NRXN3: variants seen among roughly 807,000 people sequenced by gnomAD.
NRXN3 encodes the protein neurexin III.
NRXN3 carries 32 observed loss-of-function variants against 137.6 expected under a neutral mutation model. The ratio of observed to expected loss-of-function variants is 0.23; its 90% CI spans 0.18 to 0.31. NRXN3 has a LOEUF of 0.31. Ranked by LOEUF, NRXN3 falls within the 10% of genes least tolerant of loss-of-function variation. The pLI, the probability that NRXN3 is intolerant of heterozygous loss-of-function variation, is 1.00. For missense variants in NRXN3, 1,574 were observed against 2,062.5 expected (o/e 0.76, Z 4.59); for synonymous variants, 798 against 784.5 (o/e 1.02, Z -0.29).
intron 15 of NRXN3, among the ~76,000 whole-genome samples, chr14:79,301,748 C>T (rs538858735): frequency 3.7e-4 from 56 of 150,834 alleles, no homozygotes; most frequent in South Asian, 2.1e-3. Context: ...TGTGTGTGTG[C>T]GCGCGCGTGC....
rs1433252939 is a variant in NRXN3, at chr14:78,893,075, AT to A, written c.2276-64165del. Among the ~76,000 whole-genome samples, 4 of 151,944 alleles carry A rather than the reference AT, an allele frequency of 2.6e-5. No homozygotes were observed. In the East Asian group the frequency reaches 7.8e-4, roughly 30 times the overall value. ...CCCTGATTGCTCCTATTTGCCCAGC[AT>A]TGTGGGCACCTGCTTGGCCACCCAC... On this transcript the variant is annotated intron_variant, in intron 10 of 20. Transcript: ENST00000335750.
intron 18 of NRXN3, among the ~76,000 whole-genome samples, chr14:79,696,305 C>G (rs568097653): frequency 6.6e-6 from 1 of 151,924 alleles, no homozygotes; most frequent in African/African-American, 2.4e-5. Context: ...TAAAAACCCT[C>G]TTTTTATTAA....
In NRXN3 at chr14:78,953,630, A is replaced by G. The variant is rs112243529; in HGVS notation, c.2276-3612A>G. Among the ~76,000 whole-genome samples the G allele has an allele frequency of 9.1e-3, 1,387 of 152,350 alleles. 12 individuals are homozygous for G. The highest frequency in any genetic ancestry group is 0.016 in the Admixed American group (251 of 15,300). On this transcript the variant is annotated intron_variant, in intron 10 of 20. Coordinates refer to ENST00000335750, the MANE Select transcript of NRXN3 (RefSeq NM_001330195.2). ...GTTCTGCATCCCAGAAATCTTTTGC[A>G]TCTTTATTCCAGGCATGAGTGTCAT...
At chr14:78,633,049 C>A (rs1174424320) in intron 4 of NRXN3, among the ~76,000 whole-genome samples, 1 of 151,588 alleles carries the variant, frequency 6.6e-6, no homozygotes. Flanking sequence ...TCCTGGCTAA[C>A]ACGGTGAAAC....
At chr14:79,858,984 AAG>A (rs148927120) in intron 20 of NRXN3, among the ~76,000 whole-genome samples, 3,838 of 34,902 alleles carry the variant, frequency 0.11, 137 homozygotes, top group African/African-American at 0.24. Flanking sequence ...ATGTAAAAAA[AAG>A]AAAAAAAAAA....
intron 16 of NRXN3, among the ~76,000 whole-genome samples, chr14:79,471,390 G>A (rs895838462): frequency 2.6e-5 from 4 of 152,160 alleles, no homozygotes; most frequent in Non-Finnish European, 5.9e-5. Context: ...TTTTGTGAAC[G>A]TGCACTACAC....
chr14:78,380,641 G>T (rs1442467371), intron 4 of NRXN3, among the ~76,000 whole-genome samples: 3 of 152,188 alleles, frequency 2.0e-5, no homozygotes, highest in Admixed American at 6.5e-5. Flanking sequence ...GTGCAAACTT[G>T]CTTGATCCTC....
chr14:78,862,127 T>A (rs1307282819), intron 10 of NRXN3, among the ~76,000 whole-genome samples: 3 of 152,106 alleles, frequency 2.0e-5, no homozygotes, highest in Non-Finnish European at 4.4e-5. Flanking sequence ...GTGGTAGTGG[T>A]GTGGTATACA....
chr14:79,590,805 A>G (rs551257533), intron 16 of NRXN3, among the ~76,000 whole-genome samples: 3 of 152,276 alleles, frequency 2.0e-5, no homozygotes, highest in Admixed American at 6.5e-5. Context: ...ACTCTTTGCT[A>G]TGGAGTATCA....
rs2067315085 is a variant in NRXN3, at chr14:78,243,901, CT to C, written c.709+100del. ...GTTCTATATGGATGCATATCTTTAGCTGCATGTTAGATCACTGGGCCCCTTG... is the reference window on the plus strand; with the variant it reads ...GTTCTATATGGATGCATATCTTTAGCGCATGTTAGATCACTGGGCCCCTTG... On this transcript the variant is annotated intron_variant, in intron 2 of 20. Transcript: ENST00000335750. This position sits in a 1 kb window ranked among gnomAD's most constrained non-coding sequence, Gnocchi z 4.2. 2.3e-6 allele frequency: 2 copies of C among 877,968 alleles called. No homozygotes were observed. Among genetic ancestry groups the C allele is most frequent in the Non-Finnish European group, 3.5e-6 (2 of 574,146 alleles). 54.4% of individuals were successfully genotyped at this position (877,968 alleles called of 1,614,324 possible). A position where few individuals can be genotyped will look rare whatever the true frequency, so the allele number is the denominator to read the frequency against.
intron 16 of NRXN3, among the ~76,000 whole-genome samples, chr14:79,513,587 A>T (rs2096953650): frequency 6.6e-6 from 1 of 152,254 alleles, no homozygotes; most frequent in African/African-American, 2.4e-5. Flanking sequence ...TTCATTCAAT[A>T]GTACTTTCAC....
At chr14:79,706,067 A>G (rs1271225409) in intron 19 of NRXN3, among the ~76,000 whole-genome samples, 1 of 152,108 alleles carries the variant, frequency 6.6e-6, no homozygotes, top group Non-Finnish European at 1.5e-5. Context: ...CCTGTTTCCC[A>G]GGACCCACTC....
chr14:79,673,758 T>A (rs1567850186), intron 17 of NRXN3, among the ~76,000 whole-genome samples: 1 of 152,082 alleles, frequency 6.6e-6, no homozygotes, highest in South Asian at 2.1e-4. Flanking sequence ...TCAAGTGTAG[T>A]TGAAGAGAAA....
chr14:79,498,636 T>C (rs964125455), intron 16 of NRXN3, among the ~76,000 whole-genome samples: 3 of 152,188 alleles, frequency 2.0e-5, no homozygotes, highest in African/African-American at 7.2e-5. Flanking sequence ...AGAATCTACC[T>C]CCCGAATACA....
intron 15 of NRXN3, among the ~76,000 whole-genome samples, chr14:79,258,837 A>C (rs575263524): frequency 6.6e-6 from 1 of 152,354 alleles, no homozygotes; most frequent in African/African-American, 2.4e-5. Context: ...ACAGATAGGC[A>C]GAGAAAAGAA....
intron 16 of NRXN3, among the ~76,000 whole-genome samples, chr14:79,530,188 C>A (rs1038301975): frequency 1.3e-5 from 2 of 151,934 alleles, no homozygotes; most frequent in African/African-American, 2.4e-5. Flanking sequence ...TGCCCAGAGT[C>A]CCCACCTATA....
At chr14:79,500,823 T>C (rs959618464) in intron 16 of NRXN3, among the ~76,000 whole-genome samples, 1 of 152,204 alleles carries the variant, frequency 6.6e-6, no homozygotes, top group African/African-American at 2.4e-5. Context: ...ATCTGTGAAC[T>C]TCAGTTACAA....
intron 15 of NRXN3, among the ~76,000 whole-genome samples, chr14:79,159,278 T>A (rs2060540164): frequency 6.6e-6 from 1 of 151,792 alleles, no homozygotes; most frequent in Non-Finnish European, 1.5e-5. Flanking sequence ...GAAGCCATGT[T>A]TCATCTCCTG....
intron 15 of NRXN3, among the ~76,000 whole-genome samples, chr14:79,006,034 G>C (rs958410118): frequency 7.2e-5 from 11 of 152,052 alleles, no homozygotes; most frequent in Non-Finnish European, 1.5e-4. Context: ...AACCTACATA[G>C]GATTTGCAGG....
Sources: gnomAD v4.1 joint callset for allele counts (sites outside exome capture counted in the v4.1 genomes callset) on GRCh38, gnomAD v4.1.1 for gene constraint, Gnocchi (gnomAD v3.1) non-coding constraint, MANE v1.5 for transcripts, NCBI Gene and HGNC (gene_info 2026-07-23, HGNC 2026-07-21) for gene names.